The following GRXCR2 variants were observed in gnomAD, a reference collection of about 807,000 sequenced individuals.
The protein encoded by GRXCR2 is glutaredoxin and cysteine rich domain containing 2, also known as glutaredoxin domain-containing cysteine-rich protein 2.
A neutral mutation model predicts 24.8 loss-of-function variants in GRXCR2; 23 were observed. The ratio of observed to expected loss-of-function variants is 0.93; its 90% confidence interval spans 0.67 to 1.32. GRXCR2 has a LOEUF of 1.32. GRXCR2 is among the 40% of genes most tolerant of loss of function. The pLI is 0.00. For synonymous variants in GRXCR2, 130 were observed against 116.1 expected (o/e 1.12, Z -0.77); for missense variants, 315 against 303.4 (o/e 1.04, Z -0.28).
At chr5:145,915,732 T>TC (rs1757227728) in intron 2 of GRXCR2, among the ~76,000 whole-genome samples, 2 of 144,756 alleles carry the variant, frequency 1.4e-5, no homozygotes, top group South Asian at 4.4e-4. Context: ...ACACTTCATC[T>TC]CAAAAAAAAA....
chr5:145,864,662 G>A (rs1247824246), intron 2 of GRXCR2, among the ~76,000 whole-genome samples: 1 of 152,016 alleles, frequency 6.6e-6, no homozygotes, highest in Admixed American at 6.6e-5. Flanking sequence ...TGTAAGATGT[G>A]CCTTGCTTCC....
intron 2 of GRXCR2, among the ~76,000 whole-genome samples, chr5:145,890,594 A>C (rs1035919473): frequency 4.6e-5 from 7 of 152,210 alleles, no homozygotes; most frequent in Admixed American, 2.0e-4. Flanking sequence ...TTACCACTAG[A>C]CCAGTCTTAT....
At chr5:145,884,141 CA>C (rs1561681791) in intron 2 of GRXCR2, among the ~76,000 whole-genome samples, 1 of 151,862 alleles carries the variant, frequency 6.6e-6, no homozygotes, top group African/African-American at 2.4e-5. Context: ...GTATTCTGGA[CA>C]AAAATCTTCA....
intron 2 of GRXCR2, among the ~76,000 whole-genome samples, chr5:145,901,759 G>C (rs1226769152): frequency 6.6e-6 from 1 of 152,126 alleles, no homozygotes; most frequent in Non-Finnish European, 1.5e-5. Context: ...TAAGAACAAA[G>C]GCCCTGTAGC....
chr5:145,870,223 C>T (rs1250474296), intron 1 of GRXCR2, among the ~76,000 whole-genome samples: 2 of 152,168 alleles, frequency 1.3e-5, no homozygotes, highest in Non-Finnish European at 2.9e-5. Flanking sequence ...ATCCATTAAA[C>T]AATGACTCTT....
At chr5:145,876,329 T>A (rs1172414833), upstream of GRXCR2, among the ~76,000 whole-genome samples, 6 of 149,022 alleles carry the variant, frequency 4.0e-5, no homozygotes, top group Non-Finnish European at 8.9e-5. Flanking sequence ...CAGGTTGGAG[T>A]GCAGGGGTGC....
chr5:145,919,984 C>T (rs1757300689), intron 2 of GRXCR2, among the ~76,000 whole-genome samples: 1 of 152,136 alleles, frequency 6.6e-6, no homozygotes, highest in Non-Finnish European at 1.5e-5. Context: ...GCACCCAGGG[C>T]CCTGATTCCT....
At chr5:145,910,869 TGC>T (rs1457630572) in intron 2 of GRXCR2, among the ~76,000 whole-genome samples, 3 of 151,606 alleles carry the variant, frequency 2.0e-5, no homozygotes, top group Non-Finnish European at 4.4e-5. Context: ...TACCCGTGCA[TGC>T]ACACACATGT....
rs1756303267 is a variant in GRXCR2, at chr5:145,859,874, C to T, written c.606G>A (p.Gly202=). The T allele has an allele frequency of 6.2e-7, 1 of 1,603,426 alleles. No homozygotes were observed. Among genetic ancestry groups the T allele is most frequent in the Non-Finnish European group, 8.5e-7 (1 of 1,174,022 alleles). ...ACAGAGAGCAGGTGGCACTGCCCGA[C>T]CCTCGGCAGTGAAAACAGCTGTCCT... ...IPEDSCFHCR[G]SGSATCSLCH... is the part of the protein sequence containing the mutation. Residue 202 remains glycine, a synonymous_variant, in exon 3 of 3, where the codon GGG becomes GGA. Transcript: ENST00000377976.
At chr5:145,888,209 G>A (rs1194865605) in intron 2 of GRXCR2, among the ~76,000 whole-genome samples, 3 of 152,184 alleles carry the variant, frequency 2.0e-5, no homozygotes, top group Non-Finnish European at 4.4e-5. Flanking sequence ...ATCACGGAAT[G>A]CACTAGGAAA....
chr5:145,918,830 T>C (rs750984417), intron 2 of GRXCR2, among the ~76,000 whole-genome samples: 7 of 152,246 alleles, frequency 4.6e-5, no homozygotes, highest in African/African-American at 1.4e-4. Context: ...ATCCCTGTGA[T>C]ACAATGGCCT....
At chr5:145,857,828 T>A (rs918918758), downstream of GRXCR2, among the ~76,000 whole-genome samples, 4 of 152,162 alleles carry the variant, frequency 2.6e-5, no homozygotes, top group African/African-American at 9.7e-5. Context: ...CCTGTAATTA[T>A]CCTATCCCAG....
intron 2 of GRXCR2, among the ~76,000 whole-genome samples, chr5:145,890,184 G>A (rs569321023): frequency 2.9e-4 from 44 of 152,304 alleles, no homozygotes; most frequent in South Asian, 2.3e-3. Flanking sequence ...TGCCTCCCAG[G>A]TTCAAGCATT....
chr5:145,917,098 G>C (rs1249150221), intron 2 of GRXCR2, among the ~76,000 whole-genome samples: 1 of 147,446 alleles, frequency 6.8e-6, no homozygotes, highest in South Asian at 2.1e-4. Flanking sequence ...TATTTCCAGG[G>C]TGGGAAACCT....
chr5:145,884,170 G>A (rs967558580), intron 2 of GRXCR2, among the ~76,000 whole-genome samples: 1 of 152,094 alleles, frequency 6.6e-6, no homozygotes, highest in African/African-American at 2.4e-5. Flanking sequence ...AGCAAGCTTA[G>A]GTTTTGGTTT....
intron 2 of GRXCR2, among the ~76,000 whole-genome samples, chr5:145,913,743 G>T (rs1291837210): frequency 6.6e-6 from 1 of 152,058 alleles, no homozygotes; most frequent in Non-Finnish European, 1.5e-5. Context: ...GGCTGGTTTG[G>T]AACTCCTGGG....
chr5:145,921,097 TATCTC>T (rs1190127584), intron 2 of GRXCR2, among the ~76,000 whole-genome samples: 1 of 152,230 alleles, frequency 6.6e-6, no homozygotes, highest in East Asian at 1.9e-4. Context: ...ATAAATATCT[TATCTC>T]ATTTAATTCT....
At chr5:145,907,690 A>T (rs1757111339) in intron 2 of GRXCR2, among the ~76,000 whole-genome samples, 1 of 152,108 alleles carries the variant, frequency 6.6e-6, no homozygotes, top group Non-Finnish European at 1.5e-5. Flanking sequence ...AGCCAATAGG[A>T]GTTCCTGGTG....
At chr5:145,914,267 T>C (rs778250571) in intron 2 of GRXCR2, among the ~76,000 whole-genome samples, 1 of 152,192 alleles carries the variant, frequency 6.6e-6, no homozygotes, top group Non-Finnish European at 1.5e-5. Context: ...TTTATGGTAG[T>C]ATCTCTTCCC....
Sources: gnomAD v4.1 joint callset for allele counts (sites outside exome capture counted in the v4.1 genomes callset) on GRCh38, gnomAD v4.1.1 for gene constraint, MANE v1.5 for transcripts, NCBI Gene and HGNC (gene_info 2026-07-23, HGNC 2026-07-21) for gene names.